TENT4A: variants seen among roughly 807,000 people sequenced by gnomAD.
TENT4A encodes the protein terminal nucleotidyltransferase 4A.
In TENT4A, 7 loss-of-function variants were observed where a neutral mutation model predicts 72.8. That is an observed-to-expected ratio of 0.10 (90% CI 0.05 to 0.18). The LOEUF is 0.18. TENT4A is among the 10% of genes least tolerant of loss of function. The pLI, the probability that TENT4A is intolerant of heterozygous loss-of-function variation, is 1.00. For missense variants in TENT4A, 831 were observed against 1,017.7 expected, an observed-to-expected ratio of 0.82 and a Z score of 2.50; for synonymous variants, 456 against 434.3, an observed-to-expected ratio of 1.05 and a Z score of -0.62.
intron 1 of TENT4A, among the ~76,000 whole-genome samples, chr5:6,729,682 T>C (rs1398939004): frequency 6.6e-6 from 1 of 152,250 alleles, no homozygotes; most frequent in Non-Finnish European, 1.5e-5. Flanking sequence ...GGCCTCTCCT[T>C]AATCTCTTTC....
chr5:6,739,037 T>C (rs1741660326), intron 3 of TENT4A, among the ~76,000 whole-genome samples: 1 of 152,202 alleles, frequency 6.6e-6, no homozygotes, highest in Non-Finnish European at 1.5e-5. Context: ...TCTGCTGATA[T>C]TTTAGGACAT....
intron 1 of TENT4A, among the ~76,000 whole-genome samples, chr5:6,731,835 T>A (rs956718353): frequency 2.0e-5 from 3 of 152,216 alleles, no homozygotes; most frequent in African/African-American, 7.2e-5. Context: ...GGATTTAAAG[T>A]CTAGGAGAAT....
chr5:6,714,735 G>A (rs929023128), intron 1 of TENT4A, 36 bp downstream of exon 1: 63 of 811,076 alleles, frequency 7.8e-5, no homozygotes, highest in Non-Finnish European at 9.4e-5. Flanking sequence ...GCGGGGGCGG[G>A]GCCCATGGTC....
intron 7 of TENT4A, 72 bp downstream of exon 7, chr5:6,746,499 T>A (rs1383575525): frequency 3.5e-6 from 5 of 1,448,402 alleles, no homozygotes; most frequent in Non-Finnish European, 4.8e-6. Flanking sequence ...AGGGCCTGTG[T>A]TGGGGCTCTG....
intron 1 of TENT4A, among the ~76,000 whole-genome samples, chr5:6,732,694 T>C (rs376175595): frequency 2.6e-5 from 4 of 152,234 alleles, no homozygotes; most frequent in African/African-American, 9.6e-5. Context: ...TGCTTCAGAA[T>C]TCTGTTTTCG....
chr5:6,739,611 G>A, intron 3 of TENT4A, 121 bp from the exon 4 acceptor site: 1 of 1,195,554 alleles, frequency 8.4e-7, no homozygotes, highest in Non-Finnish European at 1.2e-6. Flanking sequence ...TAGGCTAGTG[G>A]GATTGTGTCT....
At chr5:6,739,157 T>C (rs1479760917) in intron 3 of TENT4A, among the ~76,000 whole-genome samples, 1 of 152,266 alleles carries the variant, frequency 6.6e-6, no homozygotes, top group African/African-American at 2.4e-5. Flanking sequence ...CAAGTTTGCA[T>C]TCTAAAATAC....
chr5:6,741,687 G>C (rs1741814751), intron 4 of TENT4A, among the ~76,000 whole-genome samples: 1 of 152,236 alleles, frequency 6.6e-6, no homozygotes. Context: ...GTCCTTGGTT[G>C]GTTGCCCTCA....
At position 6,751,083 on chromosome 5, in the gene TENT4A, C is replaced by T. The variant is rs746866514; in HGVS notation, c.1905C>T (p.Phe635=). 1 of 1,614,234 alleles carries T rather than the reference C, an allele frequency of 6.2e-7. No individual in the cohort carries two copies. The highest frequency in any genetic ancestry group is 2.2e-5 in the East Asian group (1 of 44,880). ...GCACAACGCCCAGTGTTTACCAGTT[C>T]AGTCTGCAAGCGCCAGCTCCTCTCA... ...PPCTTPSVYQ[F]SLQAPAPLMA... Residue 635 remains phenylalanine (F), a synonymous_variant, in exon 11 of 13, where the codon TTC becomes TTT. Transcript: ENST00000230859.
intron 1 of TENT4A, among the ~76,000 whole-genome samples, chr5:6,721,714 C>T (rs547489213): frequency 5.3e-4 from 80 of 152,170 alleles, no homozygotes; most frequent in East Asian, 2.9e-3. Flanking sequence ...ACAGGGTGGG[C>T]GAGATGGGAG....
At chr5:6,736,357 G>A (rs147300599) in intron 1 of TENT4A, among the ~76,000 whole-genome samples, 2 of 152,334 alleles carry the variant, frequency 1.3e-5, no homozygotes, top group East Asian at 3.9e-4. Flanking sequence ...CTCACCCCTG[G>A]CAGGTCCTGT....
At position 6,730,755 on chromosome 5, in the gene TENT4A, TA is replaced by T. The variant is rs5865676; in HGVS notation, c.717-6736del. ...CTTTTCCTTCTTTCGAGCCTTAATT[TA>T]AAAAAAAAAAAAAAAAAAGCCTTGA... is the stretch of plus-strand genomic sequence containing the variant. On this transcript the variant is annotated intron_variant, in intron 1 of 12. Coordinates refer to ENST00000230859, the MANE Select transcript of TENT4A (RefSeq NM_006999.6). Among the ~76,000 whole-genome samples, 808 of 129,986 alleles carry T rather than the reference TA, an allele frequency of 6.2e-3. 2 individuals are homozygous for T. Among genetic ancestry groups the T allele is most frequent in the African/African-American group, 0.012 (397 of 33,998 alleles). 85.3% of individuals were successfully genotyped at this position (129,986 alleles called of 152,430 possible).
chr5:6,738,621 T>A, intron 2 of TENT4A, 62 bp from the exon 3 acceptor site: 1 of 1,211,756 alleles, frequency 8.3e-7, no homozygotes, highest in South Asian at 1.2e-5. Flanking sequence ...TAGTAAGAAA[T>A]AATGGTAGTG....
At chr5:6,728,413 G>A (rs1397032582) in intron 1 of TENT4A, among the ~76,000 whole-genome samples, 1 of 152,224 alleles carries the variant, frequency 6.6e-6, no homozygotes. Context: ...AGCCTGGTTG[G>A]CCTTACTGGT....
chr5:6,733,343 G>A (rs1327473930), intron 1 of TENT4A, among the ~76,000 whole-genome samples: 1 of 152,262 alleles, frequency 6.6e-6, no homozygotes, highest in Non-Finnish European at 1.5e-5. Context: ...TTTCTCATGG[G>A]GAGGGGAATG....
chr5:6,718,792 A>G (rs1004732459), intron 1 of TENT4A, among the ~76,000 whole-genome samples: 2 of 152,190 alleles, frequency 1.3e-5, no homozygotes, highest in African/African-American at 4.8e-5. Flanking sequence ...AGTTGAGGAA[A>G]GTTTTGCTGG....
At chr5:6,736,143 G>T (rs181982526) in intron 1 of TENT4A, among the ~76,000 whole-genome samples, 6 of 152,316 alleles carry the variant, frequency 3.9e-5, no homozygotes, top group African/African-American at 1.2e-4. Context: ...GAGCAAGCGT[G>T]CACAGCATTT....
rs533006127 is a variant in TENT4A, at chr5:6,749,421, G to C, written c.1587-136G>C. 6.3e-6 allele frequency: 4 copies of C among 636,970 alleles called. No individual in the cohort carries two copies. In the South Asian group the frequency reaches 7.8e-5, roughly 12 times the overall value. The allele number at this position is 636,970 out of a possible 1,614,324, so 39.5% of individuals were successfully genotyped here. A position where few individuals can be genotyped will look rare whatever the true frequency, so the allele number is the denominator to read the frequency against. The stretch of plus-strand genomic sequence containing the variant: ...TTAAAAGTCAGAGATATTTGTCAAC[G>C]TATTTTAGCTCCTTTCCTACTGTCC... On this transcript the variant is annotated intron_variant, in intron 8 of 12. Coordinates refer to ENST00000230859, the MANE Select transcript of TENT4A (RefSeq NM_006999.6).
At position 6,713,680 on chromosome 5, in the gene TENT4A, G is replaced by C. The variant is rs1220910444; in HGVS notation, c.-304G>C. ...CCGCCGCGGCCCCCGCGCCCGCCCCGCGCCGCGTGAAGCGGGAGCCCGGAG... is the reference window on the plus strand; with the variant it reads ...CCGCCGCGGCCCCCGCGCCCGCCCCCCGCCGCGTGAAGCGGGAGCCCGGAG... On this transcript the variant is annotated 5_prime_UTR_variant, in exon 1 of 13. Coordinates refer to ENST00000230859, the MANE Select transcript of TENT4A (RefSeq NM_006999.6). 6.9e-6 allele frequency: 1 copy of C among 145,348 alleles called. No homozygotes were observed. The highest frequency in any genetic ancestry group is 1.5e-5 in the Non-Finnish European group (1 of 65,322). 9.0% of individuals were successfully genotyped at this position (145,348 alleles called of 1,614,324 possible).
Sources: allele counts gnomAD v4.1 joint callset (sites outside exome capture counted in the v4.1 genomes callset), GRCh38; gene constraint gnomAD v4.1.1; transcripts MANE v1.5; gene names NCBI Gene and HGNC (gene_info 2026-07-23, HGNC 2026-07-21).